Variants in TNFRSF8 observed in about 807,000 individuals in gnomAD.
The protein encoded by TNFRSF8 is tumor necrosis factor receptor superfamily member 8.
Under a neutral mutation model 70.8 loss-of-function variants are expected in TNFRSF8, and 26 were observed. The ratio of observed to expected loss-of-function variants is 0.37; its 90% confidence interval spans 0.27 to 0.51. TNFRSF8 has a LOEUF of 0.51. Ranked by LOEUF, TNFRSF8 falls within the 20% of genes least tolerant of loss-of-function variation. The probability of loss-of-function intolerance (pLI) is 0.94; values close to 1 mark genes in which losing one functional copy is unlikely to be tolerated. For synonymous variants in TNFRSF8, 356 were observed against 339.2 expected (o/e 1.05, Z -0.54); for missense variants, 720 against 807.9 (o/e 0.89, Z 1.32).
In TNFRSF8 at chr1:12,123,730, G is replaced by A. The variant is rs111344887; in HGVS notation, c.1056G>A (p.Gln352=). The change falls in exon 10 of 15, where the codon CAG becomes CAA. Residue 352 remains glutamine, a synonymous_variant. Transcript: ENST00000263932. The part of the protein sequence containing the change: ...GEAPASTSPT[Q]SLLVDSQASK... ...CTCCCCGCAGCACCAGCCCCACTCAGAGCTTGCTGGTGGACTCCCAGGCCA... is the reference window on the plus strand; with the variant it reads ...CTCCCCGCAGCACCAGCCCCACTCAAAGCTTGCTGGTGGACTCCCAGGCCA... The A allele has an allele frequency of 3.2e-6, 5 of 1,566,226 alleles. No individual in the cohort carries two copies. The highest frequency in any genetic ancestry group is 2.7e-5 in the African/African-American group (2 of 73,756).
chr1:12,118,821 A>C (rs532402020), intron 8 of TNFRSF8, among the ~76,000 whole-genome samples: 1 of 152,100 alleles, frequency 6.6e-6, no homozygotes, highest in Non-Finnish European at 1.5e-5. Flanking sequence ...CCATCGCAGG[A>C]GGAAGGAGGC....
chr1:12,102,065 T>C (rs1641433401), intron 3 of TNFRSF8, among the ~76,000 whole-genome samples: 1 of 152,352 alleles, frequency 6.6e-6, no homozygotes, highest in East Asian at 1.9e-4. Context: ...TCATTTCTAA[T>C]GTTTTGTTCT....
Position 12,129,564 on chromosome 1 carries a change from G to A in TNFRSF8, c.1309+3328G>A, listed in dbSNP as rs953049732. Among the ~76,000 whole-genome samples, 15 of 152,294 alleles carry A rather than the reference G, an allele frequency of 9.8e-5. No individual in the cohort carries two copies. The South Asian group carries it at 1.4e-3, about 15-fold the overall frequency. ...TTCTGTCCGGATCCGTTCCCCAGGC[G>A]TTTCTTTCACTTACTGGGAAGAGCG... On this transcript the variant is annotated intron_variant, in intron 12 of 14. Transcript: ENST00000263932.
At chr1:12,125,592 C>T (rs1027479666) in intron 10 of TNFRSF8, among the ~76,000 whole-genome samples, 3 of 152,162 alleles carry the variant, frequency 2.0e-5, no homozygotes, top group South Asian at 2.1e-4. Flanking sequence ...CTTGGCCCTC[C>T]CCACCCTGAC....
At chr1:12,126,815 G>GCTTGGC (rs1239799890) in intron 12 of TNFRSF8, among the ~76,000 whole-genome samples, 5 of 152,264 alleles carry the variant, frequency 3.3e-5, no homozygotes, top group African/African-American at 4.8e-5. Context: ...TACTTCAGAG[G>GCTTGGC]CTTGGCCTGT....
intron 3 of TNFRSF8, among the ~76,000 whole-genome samples, chr1:12,101,025 G>A (rs1284095931): frequency 2.6e-5 from 4 of 151,980 alleles, no homozygotes; most frequent in Non-Finnish European, 5.9e-5. Flanking sequence ...CATGCATGGA[G>A]TATCGTCTCC....
At chr1:12,103,286 C>T (rs1388984586) in intron 3 of TNFRSF8, among the ~76,000 whole-genome samples, 1 of 151,696 alleles carries the variant, frequency 6.6e-6, no homozygotes, top group African/African-American at 2.4e-5. Context: ...ATCACTTGAA[C>T]CCAGGTTGCA....
intron 1 of TNFRSF8, among the ~76,000 whole-genome samples, chr1:12,065,685 G>A (rs1291054328): frequency 6.6e-6 from 1 of 152,136 alleles, no homozygotes; most frequent in Non-Finnish European, 1.5e-5. Flanking sequence ...AGGCATCTTG[G>A]TGAGCTTTCC....
intron 4 of TNFRSF8, among the ~76,000 whole-genome samples, chr1:12,105,939 C>CAAAAAA (rs748432437): frequency 1.5e-5 from 1 of 64,916 alleles, no homozygotes; most frequent in Non-Finnish European, 3.2e-5. Context: ...GACTCCGTCT[C>CAAAAAA]AAAAAAAAAA....
chr1:12,104,141 T>C (rs1052094277), intron 3 of TNFRSF8, among the ~76,000 whole-genome samples: 1 of 152,242 alleles, frequency 6.6e-6, no homozygotes, highest in Non-Finnish European at 1.5e-5. Context: ...GACTGGTGTC[T>C]TTCATTTAGC....
chr1:12,125,784 C>T (rs1641926133), intron 10 of TNFRSF8, 167 bp from the exon 11 acceptor site: 1 of 671,000 alleles, frequency 1.5e-6, no homozygotes, highest in African/African-American at 1.8e-5. Flanking sequence ...TTCCTGGAGC[C>T]AGGCGAGGGA....
chr1:12,101,653 G>A (rs973465955), intron 3 of TNFRSF8, among the ~76,000 whole-genome samples: 11 of 151,466 alleles, frequency 7.3e-5, no homozygotes, highest in Middle Eastern at 3.2e-3. Context: ...TAGGCAATAG[G>A]AATTTTTCAG....
intron 1 of TNFRSF8, among the ~76,000 whole-genome samples, chr1:12,067,062 G>A (rs1001298883): frequency 3.3e-5 from 5 of 152,192 alleles, no homozygotes; most frequent in Non-Finnish European, 7.3e-5. Context: ...CTGAGAGTTG[G>A]CCTCTGATGC....
rs1182890856 is a variant in TNFRSF8, at chr1:12,110,397, T to C, written c.676+193T>C. Among the ~76,000 whole-genome samples, 2 of 152,086 alleles carry C rather than the reference T, an allele frequency of 1.3e-5. No individual in the cohort carries two copies. Among genetic ancestry groups the C allele is most frequent in the Non-Finnish European group, 2.9e-5 (2 of 67,988 alleles). ...AGGTAGACACCAGAGGGCTCATTCATTTGCCAGCAGTGCAGAGGGCCTGCC... is the reference window on the plus strand; with the variant it reads ...AGGTAGACACCAGAGGGCTCATTCACTTGCCAGCAGTGCAGAGGGCCTGCC... On this transcript the variant is annotated intron_variant, in intron 6 of 14. Transcript: ENST00000263932. The surrounding 1 kb of genome is among the most constrained non-coding windows in gnomAD (Gnocchi z 4.0).
intron 2 of TNFRSF8, among the ~76,000 whole-genome samples, chr1:12,093,253 T>A (rs1641276058): frequency 6.6e-6 from 1 of 152,074 alleles, no homozygotes; most frequent in Admixed American, 6.5e-5. Context: ...GCATATATAT[T>A]TTTTTGGGGA....
rs1433905888 is a variant in TNFRSF8 at position 12,113,651 on chromosome 1, G to A, written c.793+1637G>A. On this transcript the variant is annotated intron_variant, in intron 7 of 14. Transcript: ENST00000263932. The surrounding 1 kb of genome is among the most constrained non-coding windows in gnomAD (Gnocchi z 4.9). ...AGAGAGAGAGACAGAAAGAGAAAGA[G>A]ACGGAGTGAGCGAGAGAGAGAGAGA... is the stretch of plus-strand genomic sequence containing the variant. Among the ~76,000 whole-genome samples, 2 of 150,288 alleles carry A rather than the reference G, an allele frequency of 1.3e-5. No homozygotes were observed. The highest frequency in any genetic ancestry group is 2.9e-5 in the Non-Finnish European group (2 of 67,864).
intron 3 of TNFRSF8, 100 bp from the exon 4 acceptor site, chr1:12,104,279 C>T (rs1246584447): frequency 1.1e-5 from 15 of 1,328,294 alleles, no homozygotes; most frequent in South Asian, 2.4e-5. Flanking sequence ...GCGGAGGCTG[C>T]GTTGCGGACT....
At chr1:12,069,833 TGAGA>T (rs1640811332) in intron 1 of TNFRSF8, among the ~76,000 whole-genome samples, 18 of 152,264 alleles carry the variant, frequency 1.2e-4, no homozygotes, top group Middle Eastern at 6.8e-3. Flanking sequence ...TCCTGTAGTG[TGAGA>T]GAGACGGGCG....
intron 12 of TNFRSF8, 103 bp downstream of exon 12, chr1:12,126,339 C>A (rs527989554): frequency 1.5e-6 from 2 of 1,358,440 alleles, no homozygotes; most frequent in Non-Finnish European, 2.1e-6. Flanking sequence ...ACCCCAGCCT[C>A]GAAGCTCCCT....
Sources: gnomAD v4.1 joint callset for allele counts (sites outside exome capture counted in the v4.1 genomes callset) on GRCh38, gnomAD v4.1.1 for gene constraint, Gnocchi (gnomAD v3.1) non-coding constraint, MANE v1.5 for transcripts, NCBI Gene and HGNC (gene_info 2026-07-23, HGNC 2026-07-21) for gene names.